Variants in LPGAT1 observed in about 807,000 individuals in gnomAD.
The protein encoded by LPGAT1 is lysophosphatidylglycerol acyltransferase 1.
Under a neutral mutation model 47.5 loss-of-function variants are expected in LPGAT1, and 11 were observed. The ratio of observed to expected loss-of-function variants is 0.23; its 90% CI spans 0.15 to 0.38. The LOEUF is 0.38. Ranked by LOEUF, LPGAT1 falls within the 10% of genes least tolerant of loss-of-function variation. The probability of loss-of-function intolerance (pLI) is 1.00; values close to 1 mark genes in which losing one functional copy is unlikely to be tolerated. For missense variants in LPGAT1, 293 were observed against 439.0 expected, an observed-to-expected ratio of 0.67 and a Z score of 2.97; for synonymous variants, 138 against 144.2, an observed-to-expected ratio of 0.96 and a Z score of 0.31.
chr1:211,777,296 T>G (rs1206877870), intron 6 of LPGAT1, among the ~76,000 whole-genome samples: 1 of 152,160 alleles, frequency 6.6e-6, no homozygotes, highest in East Asian at 1.9e-4. Flanking sequence ...CTGTTTTCAT[T>G]TGCTCTCCAT....
chr1:211,808,633 G>T (rs181601742), intron 2 of LPGAT1, among the ~76,000 whole-genome samples: 10 of 152,260 alleles, frequency 6.6e-5, no homozygotes, highest in Admixed American at 2.0e-4. Flanking sequence ...AATGTAAGAT[G>T]GTATAGCCAC....
intron 6 of LPGAT1, among the ~76,000 whole-genome samples, chr1:211,776,410 G>A (rs1658402225): frequency 6.6e-6 from 1 of 152,022 alleles, no homozygotes; most frequent in South Asian, 2.1e-4. Context: ...GGTGGTATGT[G>A]CCTGTAATCC....
intron 3 of LPGAT1, among the ~76,000 whole-genome samples, chr1:211,789,371 A>G (rs1659013627): frequency 1.3e-5 from 2 of 152,208 alleles, no homozygotes; most frequent in Admixed American, 1.3e-4. Flanking sequence ...TTATCTCTTC[A>G]GTTAGAAGGG....
At chr1:211,755,101 G>A (rs1350659260) in intron 6 of LPGAT1, among the ~76,000 whole-genome samples, 2 of 150,168 alleles carry the variant, frequency 1.3e-5, no homozygotes, top group Non-Finnish European at 3.0e-5. Context: ...ACTTTGGGAG[G>A]CAGAGGTGGG....
chr1:211,798,828 G>A (rs1375141598), intron 2 of LPGAT1, among the ~76,000 whole-genome samples: 1 of 152,232 alleles, frequency 6.6e-6, no homozygotes, highest in African/African-American at 2.4e-5. Context: ...TCCAAGGGAG[G>A]GTGTTAGTTC....
chr1:211,810,591 T>C (rs971927259), intron 2 of LPGAT1, among the ~76,000 whole-genome samples: 1 of 152,188 alleles, frequency 6.6e-6, no homozygotes, highest in African/African-American at 2.4e-5. Flanking sequence ...TTTTCTTCCA[T>C]ATAAAACTTA....
intron 2 of LPGAT1, among the ~76,000 whole-genome samples, chr1:211,823,365 A>G (rs1466228863): frequency 6.6e-6 from 1 of 152,152 alleles, no homozygotes; most frequent in Non-Finnish European, 1.5e-5. Flanking sequence ...CCATCTCTTA[A>G]ATGAATTATA....
intron 2 of LPGAT1, among the ~76,000 whole-genome samples, chr1:211,820,002 CA>C (rs1660313286): frequency 1.3e-5 from 2 of 151,564 alleles, no homozygotes; most frequent in South Asian, 4.2e-4. Flanking sequence ...AAAAGGCAGG[CA>C]GGGGGGTGGT....
chr1:211,772,783 T>A (rs1473984837), intron 6 of LPGAT1, among the ~76,000 whole-genome samples: 1 of 152,150 alleles, frequency 6.6e-6, no homozygotes, highest in Non-Finnish European at 1.5e-5. Context: ...TTTTCTGTAA[T>A]AAAAAGATTT....
chr1:211,769,095 A>C (rs1440385115), intron 6 of LPGAT1, among the ~76,000 whole-genome samples: 1 of 152,170 alleles, frequency 6.6e-6, no homozygotes, highest in African/African-American at 2.4e-5. Flanking sequence ...ACACAATTTG[A>C]CTTTTAAAAG....
chr1:211,788,246 T>A (rs903407585), intron 3 of LPGAT1, among the ~76,000 whole-genome samples: 1 of 152,188 alleles, frequency 6.6e-6, no homozygotes, highest in Non-Finnish European at 1.5e-5. Flanking sequence ...AGAATATTTA[T>A]TAGTTTATGT....
At chr1:211,828,330 T>C (rs919597176) in intron 2 of LPGAT1, among the ~76,000 whole-genome samples, 4 of 152,210 alleles carry the variant, frequency 2.6e-5, no homozygotes, top group African/African-American at 9.7e-5. Flanking sequence ...GGGCATAAGT[T>C]CTCAAAGCAT....
rs528572824 is a variant in LPGAT1 at position 211,827,701 on chromosome 1, A to G, written c.238+1358T>C. ...AATTCAGGTAAGAATTCAGCACCAT[A>G]GATTAGAACTTCGTTTTTTCTCTAC... On this transcript the variant is annotated intron_variant, in intron 2 of 7. Transcript: ENST00000366997. Among the ~76,000 whole-genome samples, 17 of 152,336 alleles carry G rather than the reference A, an allele frequency of 1.1e-4. No homozygotes were observed. In the East Asian group the frequency reaches 1.2e-3, roughly 10 times the overall value.
chr1:211,793,141 C>G lies in LPGAT1; in HGVS notation c.288G>C (p.Val96=). ...DIKAVSKDEA[V]MLVNHQATGD... ...CTGTTGCCTGATGATTCACCAACAT[C>G]ACTGCTTCATCTTTTGAAACTGCTT... Residue 96 remains valine, a synonymous_variant, in exon 3 of 8, where the codon GTG becomes GTC. Transcript: ENST00000366997. 1 of 1,611,272 alleles carries G rather than the reference C, an allele frequency of 6.2e-7. No homozygotes were observed. Among genetic ancestry groups the G allele is most frequent in the Non-Finnish European group, 8.5e-7 (1 of 1,178,736 alleles).
chr1:211,816,996 G>A (rs1660196082), intron 2 of LPGAT1, among the ~76,000 whole-genome samples: 1 of 152,122 alleles, frequency 6.6e-6, no homozygotes, highest in Non-Finnish European at 1.5e-5. Context: ...ACTTTATAAT[G>A]GCTGCTCAAT....
intron 7 of LPGAT1, 143 bp downstream of exon 7, chr1:211,750,818 A>G: frequency 1.6e-6 from 1 of 617,080 alleles, no homozygotes. Flanking sequence ...GGGTAAGCTG[A>G]TTCATGAGGG....
At chr1:211,760,797 A>C (rs994292436) in intron 6 of LPGAT1, among the ~76,000 whole-genome samples, 10 of 152,208 alleles carry the variant, frequency 6.6e-5, no homozygotes, top group Admixed American at 2.6e-4. Context: ...GCTCGGAGCA[A>C]CATAGGAACT....
intron 4 of LPGAT1, among the ~76,000 whole-genome samples, chr1:211,785,597 T>A (rs1314489540): frequency 6.6e-6 from 1 of 151,416 alleles, no homozygotes; most frequent in Non-Finnish European, 1.5e-5. Context: ...GATAATCTAG[T>A]ATAATTTAGC....
chr1:211,772,554 A>G (rs1262865508), intron 6 of LPGAT1, among the ~76,000 whole-genome samples: 1 of 152,216 alleles, frequency 6.6e-6, no homozygotes, highest in Non-Finnish European at 1.5e-5. Flanking sequence ...CTCTGTGAAC[A>G]CAAGTATTAT....
Sources: gnomAD v4.1 joint callset for allele counts (sites outside exome capture counted in the v4.1 genomes callset) on GRCh38, gnomAD v4.1.1 for gene constraint, MANE v1.5 for transcripts, NCBI Gene and HGNC (gene_info 2026-07-23, HGNC 2026-07-21) for gene names.